The following KCTD8 variants were observed in gnomAD, a reference collection of about 807,000 sequenced individuals.
The protein encoded by KCTD8 is BTB/POZ domain-containing protein KCTD8.
A neutral mutation model predicts 31.5 loss-of-function variants in KCTD8; 27 were observed. That is an observed-to-expected ratio of 0.86 (90% CI 0.63 to 1.18). KCTD8 has a LOEUF of 1.18. Ranked by LOEUF, KCTD8 falls within the 50% of genes most tolerant of loss-of-function variation. The pLI is 0.00. For synonymous variants in KCTD8, 290 were observed against 280.0 expected, an observed-to-expected ratio of 1.04 and a Z score of -0.36; for missense variants, 658 against 647.7, an observed-to-expected ratio of 1.02 and a Z score of -0.17.
Position 44,174,644 on chromosome 4 carries a change from A to G in KCTD8, c.*146T>C, listed in dbSNP as rs1267413501. The G allele has an allele frequency of 1.8e-6, 1 of 551,730 alleles. No homozygotes were observed. The highest frequency in any genetic ancestry group is 1.9e-5 in the African/African-American group (1 of 52,374). 34.2% of individuals were successfully genotyped at this position (551,730 alleles called of 1,614,324 possible). A position where few individuals can be genotyped will look rare whatever the true frequency, so the allele number is the denominator to read the frequency against. On this transcript the variant is annotated 3_prime_UTR_variant, in exon 2 of 2. Coordinates refer to ENST00000360029, the MANE Select transcript of KCTD8 (RefSeq NM_198353.3). ...TTCTAAAAAGAACAACAACTAAAAC[A>G]TAAAAGAAAATACTGTCCCACATCC... is the stretch of plus-strand genomic sequence containing the variant.
chr4:44,184,328 T>A (rs1560388682), intron 1 of KCTD8, among the ~76,000 whole-genome samples: 1 of 152,162 alleles, frequency 6.6e-6, no homozygotes, highest in Admixed American at 6.5e-5. Flanking sequence ...GACAAATGAA[T>A]AAAATTAATT....
At chr4:44,193,339 T>G (rs1242249572) in intron 1 of KCTD8, among the ~76,000 whole-genome samples, 1 of 152,146 alleles carries the variant, frequency 6.6e-6, no homozygotes, top group African/African-American at 2.4e-5. Context: ...TTATGAAACT[T>G]GACAGGTCAT....
At chr4:44,297,171 T>C (rs1560418657) in intron 1 of KCTD8, among the ~76,000 whole-genome samples, 1 of 152,032 alleles carries the variant, frequency 6.6e-6, no homozygotes, top group Non-Finnish European at 1.5e-5. Context: ...TAAAAAAATA[T>C]ATTCAACATA....
intron 1 of KCTD8, among the ~76,000 whole-genome samples, chr4:44,208,442 C>T (rs901743834): frequency 3.9e-5 from 6 of 152,130 alleles, no homozygotes; most frequent in Admixed American, 6.6e-5. Context: ...TAATCTTCAC[C>T]TCCATCTCTT....
At chr4:44,296,958 A>C (rs1287027857) in intron 1 of KCTD8, among the ~76,000 whole-genome samples, 1 of 152,196 alleles carries the variant, frequency 6.6e-6, no homozygotes, top group South Asian at 2.1e-4. Flanking sequence ...TTTCTTTTAC[A>C]TCAGTAAGAT....
At chr4:44,273,322 A>G (rs563460149) in intron 1 of KCTD8, among the ~76,000 whole-genome samples, 1 of 152,112 alleles carries the variant, frequency 6.6e-6, no homozygotes, top group South Asian at 2.1e-4. Flanking sequence ...CCAGGATCAA[A>G]TTTACAGCCA....
intron 1 of KCTD8, among the ~76,000 whole-genome samples, chr4:44,253,990 G>A (rs746264190): frequency 6.6e-6 from 1 of 151,776 alleles, no homozygotes; most frequent in Non-Finnish European, 1.5e-5. Flanking sequence ...CATTTTATTA[G>A]GGACAGTAAA....
At chr4:44,400,340 G>A (rs1194439710) in intron 1 of KCTD8, among the ~76,000 whole-genome samples, 1 of 151,852 alleles carries the variant, frequency 6.6e-6, no homozygotes, top group Non-Finnish European at 1.5e-5. Flanking sequence ...GCAATGTCAG[G>A]TCAAAAGTAT....
chr4:44,397,405 GTAGA>G (rs1720534337), intron 1 of KCTD8, among the ~76,000 whole-genome samples: 1 of 152,064 alleles, frequency 6.6e-6, no homozygotes, highest in African/African-American at 2.4e-5. Flanking sequence ...GTAGATATAG[GTAGA>G]TAGAAAGTGT....
At chr4:44,266,613 G>T (rs955889275) in intron 1 of KCTD8, among the ~76,000 whole-genome samples, 2 of 150,988 alleles carry the variant, frequency 1.3e-5, no homozygotes, top group African/African-American at 4.9e-5. Context: ...TGGATAAAGA[G>T]TCAAGACCCA....
chr4:44,388,189 T>TA (rs1288119114), intron 1 of KCTD8, among the ~76,000 whole-genome samples: 1 of 151,938 alleles, frequency 6.6e-6, no homozygotes, highest in East Asian at 1.9e-4. Context: ...TGGCTACTAT[T>TA]AAAAAGTCAA....
chr4:44,419,339 T>C lies in KCTD8; in HGVS notation c.961+28224A>G, dbSNP rs1401683882. 2.6e-5 allele frequency among the ~76,000 whole-genome samples: 4 copies of C among 152,186 alleles called. No homozygotes were observed. The South Asian group carries it at 8.3e-4, about 31-fold the overall frequency. ...GAACCCCAGACTAGCCATTAGTTAC[T>C]CACTGAGAAGGGCCAGGGGCCAGTT... On this transcript the variant is annotated intron_variant, in intron 1 of 1. Coordinates refer to ENST00000360029, the MANE Select transcript of KCTD8 (RefSeq NM_198353.3).
At position 44,201,793 on chromosome 4, in the gene KCTD8, G is replaced by A. The variant is rs542491492; in HGVS notation, c.962-26543C>T. ...AACTACAACAAAAATAAAATTGACA[G>A]TGTGACCTAATCAAACTAAAGATCT... On this transcript the variant is annotated intron_variant, in intron 1 of 1. Transcript: ENST00000360029. Among the ~76,000 whole-genome samples the A allele has an allele frequency of 5.9e-5, 9 of 152,054 alleles. No homozygotes were observed. The East Asian group carries it at 1.7e-3, about 29-fold the overall frequency.
chr4:44,269,986 T>C (rs1243863038), intron 1 of KCTD8, among the ~76,000 whole-genome samples: 1 of 152,120 alleles, frequency 6.6e-6, no homozygotes, highest in African/African-American at 2.4e-5. Context: ...AGTGTGGTGA[T>C]TCCTCAGGGA....
intron 1 of KCTD8, among the ~76,000 whole-genome samples, chr4:44,222,294 A>AT (rs1714830498): frequency 6.6e-6 from 1 of 152,204 alleles, no homozygotes; most frequent in African/African-American, 2.4e-5. Flanking sequence ...CCAGACTGGC[A>AT]GTCAGGAAGG....
intron 1 of KCTD8, among the ~76,000 whole-genome samples, chr4:44,366,755 C>A (rs1172517862): frequency 6.6e-6 from 1 of 152,088 alleles, no homozygotes; most frequent in Non-Finnish European, 1.5e-5. Context: ...TTTCTGGAAA[C>A]CTCATTAAGC....
At chr4:44,391,915 C>A (rs1345549073) in intron 1 of KCTD8, among the ~76,000 whole-genome samples, 2 of 151,920 alleles carry the variant, frequency 1.3e-5, no homozygotes, top group Admixed American at 6.6e-5. Flanking sequence ...TTCAGCAAAT[C>A]AGTCTTCTTA....
intron 1 of KCTD8, among the ~76,000 whole-genome samples, chr4:44,348,442 AATAAAT>A (rs1719094608): frequency 1.3e-5 from 2 of 152,212 alleles, no homozygotes; most frequent in Admixed American, 1.3e-4. Context: ...TACAGTGAAA[AATAAAT>A]ATAAACTAGC....
chr4:44,268,499 T>C (rs2109370468), intron 1 of KCTD8, among the ~76,000 whole-genome samples: 1 of 152,272 alleles, frequency 6.6e-6, no homozygotes, highest in East Asian at 1.9e-4. Context: ...AGGGATGCCC[T>C]CTCTCACCAC....
Sources: gnomAD v4.1 joint callset for allele counts (sites outside exome capture counted in the v4.1 genomes callset) on GRCh38, gnomAD v4.1.1 for gene constraint, MANE v1.5 for transcripts, NCBI Gene and HGNC (gene_info 2026-07-23, HGNC 2026-07-21) for gene names.